PLB1: variants seen among roughly 807,000 people sequenced by gnomAD.
PLB1 encodes the protein phospholipase B1.
PLB1 carries 242 observed loss-of-function variants against 227.4 expected under a neutral mutation model. The observed-to-expected ratio is 1.06, with a 90% CI of 0.96 to 1.18. PLB1 has a LOEUF of 1.18. Among genes scored for constraint, PLB1 ranks in the 50% most tolerant of loss-of-function variants. PLB1 has a pLI of 0.00. For synonymous variants in PLB1, 757 were observed against 682.2 expected (o/e 1.11, Z -1.71); for missense variants, 1,858 against 1,816.3 (o/e 1.02, Z -0.42).
At chr2:28,572,680 T>G (rs1678212596) in intron 20 of PLB1, among the ~76,000 whole-genome samples, 1 of 152,206 alleles carries the variant, frequency 6.6e-6, no homozygotes, top group African/African-American at 2.4e-5. Flanking sequence ...GTGATTTCAT[T>G]CATATGAAAT....
intron 14 of PLB1, among the ~76,000 whole-genome samples, chr2:28,545,983 C>G (rs1182304296): frequency 6.6e-6 from 1 of 152,178 alleles, no homozygotes; most frequent in Non-Finnish European, 1.5e-5. Context: ...CATACCCAGA[C>G]CACGTCAGCA....
At chr2:28,627,548 G>A (rs1236365657) in intron 51 of PLB1, among the ~76,000 whole-genome samples, 1 of 152,142 alleles carries the variant, frequency 6.6e-6, no homozygotes, top group African/African-American at 2.4e-5. Context: ...AGAAACTCTG[G>A]GAGACACGAG....
chr2:28,541,620 G>C (rs1672494307), intron 12 of PLB1, 87 bp from the exon 13 acceptor site: 2 of 954,272 alleles, frequency 2.1e-6, no homozygotes, highest in African/African-American at 1.6e-5. Flanking sequence ...CCTGTCCCAG[G>C]GCTGCCGAGA....
chr2:28,548,615 T>C, intron 14 of PLB1: 1 of 588,360 alleles, frequency 1.7e-6, no homozygotes, highest in Middle Eastern at 2.8e-4. Context: ...CCGATGCTGC[T>C]TCTCATGCTG....
chr2:28,630,701 G>T (rs769361485), intron 54 of PLB1, 37 bp downstream of exon 54: 1 of 1,568,442 alleles, frequency 6.4e-7, no homozygotes, highest in Non-Finnish European at 8.7e-7. Context: ...GACCCAGCTG[G>T]GGGGCCCCCT....
rs73924328 is a variant in PLB1, at chr2:28,635,108, G to T, written c.4098+2069G>T. Among the ~76,000 whole-genome samples, 873 of 152,224 alleles carry T rather than the reference G, an allele frequency of 5.7e-3. 13 individuals carry two copies. The highest frequency in any genetic ancestry group is 0.02 in the African/African-American group (839 of 41,518). On this transcript the variant is annotated intron_variant, in intron 56 of 57. Coordinates refer to ENST00000327757, the MANE Select transcript of PLB1 (RefSeq NM_153021.5). ...AAACAAGACTGTCCATGGTTCCCCA[G>T]CCATTATTATCTCAGCCATACCCCG...
chr2:28,592,501 C>T lies in PLB1; in HGVS notation c.2189-160C>T, dbSNP rs542307010. Among the ~76,000 whole-genome samples the T allele has an allele frequency of 2.0e-5, 3 of 152,288 alleles. No individual in the cohort carries two copies. The South Asian group carries it at 6.2e-4, about 32-fold the overall frequency. ...TAGTTGTGTCTTACGGGAAAACTGT[C>T]CTCATATAACTTTGCCTCCATGGCA... On this transcript the variant is annotated intron_variant, in intron 31 of 57. Coordinates refer to ENST00000327757, the MANE Select transcript of PLB1 (RefSeq NM_153021.5).
intron 53 of PLB1, 79 bp from the exon 54 acceptor site, chr2:28,630,507 G>A (rs1161173811): frequency 5.4e-6 from 7 of 1,299,130 alleles, no homozygotes; most frequent in Non-Finnish European, 7.7e-6. Context: ...GGCCTGCTCT[G>A]TGTGTCAGAG....
At chr2:28,565,234 C>A in intron 18 of PLB1, 46 bp from the exon 19 acceptor site, 1 of 1,537,522 alleles carries the variant, frequency 6.5e-7, no homozygotes, top group Non-Finnish European at 8.9e-7. Context: ...AGAGGTGGGC[C>A]ACTGGGGAAA....
intron 44 of PLB1, among the ~76,000 whole-genome samples, 165 bp from the exon 45 acceptor site, chr2:28,617,562 C>A (rs1349759145): frequency 1.3e-5 from 2 of 152,160 alleles, no homozygotes; most frequent in Non-Finnish European, 2.9e-5. Context: ...CTTTAATTTC[C>A]CTCCTAGCCC....
Position 28,563,216 on chromosome 2 carries a change from C to T in PLB1, c.1206+117C>T, listed in dbSNP as rs1240347394. On this transcript the variant is annotated intron_variant, in intron 18 of 57. Coordinates refer to ENST00000327757, the MANE Select transcript of PLB1 (RefSeq NM_153021.5). ...GCCTGGCTCTTAGATGCTACCATCT[C>T]GGGTCCTGATCTCCATCTCTCCATT... 6 of 1,012,728 alleles carry T rather than the reference C, an allele frequency of 5.9e-6. No homozygotes were observed. In the East Asian group the frequency reaches 1.0e-4, roughly 17 times the overall value. The allele number at this position is 1,012,728 out of a possible 1,614,324, so 62.7% of individuals were successfully genotyped here. A position where few individuals can be genotyped will look rare whatever the true frequency, so the allele number is the denominator to read the frequency against.
intron 1 of PLB1, among the ~76,000 whole-genome samples, chr2:28,513,932 T>G (rs1161759034): frequency 6.6e-6 from 1 of 152,224 alleles, no homozygotes; most frequent in Non-Finnish European, 1.5e-5. Context: ...ATGCCATCTA[T>G]TTCCCTGGAT....
At chr2:28,611,789 C>A (rs1685493957) in intron 43 of PLB1, among the ~76,000 whole-genome samples, 1 of 152,126 alleles carries the variant, frequency 6.6e-6, no homozygotes. Flanking sequence ...CTGTCTTATG[C>A]TGTTGTAGAG....
At chr2:28,521,646 G>C (rs983935286) in intron 4 of PLB1, among the ~76,000 whole-genome samples, 1 of 152,144 alleles carries the variant, frequency 6.6e-6, no homozygotes, top group Middle Eastern at 3.2e-3. Flanking sequence ...AAAGACAAAA[G>C]GAGAAAGGGA....
chr2:28,553,127 T>A, intron 17 of PLB1, 136 bp downstream of exon 17: 1 of 719,890 alleles, frequency 1.4e-6, no homozygotes, highest in Admixed American at 2.4e-5. Context: ...TGTATATTTG[T>A]AAAGCCATGG....
chr2:28,557,241 A>C (rs966414217), intron 17 of PLB1, among the ~76,000 whole-genome samples: 1 of 152,208 alleles, frequency 6.6e-6, no homozygotes, highest in Non-Finnish European at 1.5e-5. Context: ...TCCCTGTCAC[A>C]GAGTCACTTA....
At chr2:28,559,023 C>G (rs188179731) in intron 17 of PLB1, among the ~76,000 whole-genome samples, 409 of 152,178 alleles carry the variant, frequency 2.7e-3, no homozygotes, top group African/African-American at 9.3e-3. Context: ...TCACACGCAG[C>G]CAAATATTTA....
At chr2:28,559,900 C>A (rs1675780509) in intron 17 of PLB1, among the ~76,000 whole-genome samples, 2 of 151,946 alleles carry the variant, frequency 1.3e-5, no homozygotes, top group African/African-American at 4.8e-5. Flanking sequence ...TATAAGAGCA[C>A]ACCTCCATGC....
chr2:28,566,533 C>T, intron 19 of PLB1: 1 of 474,256 alleles, frequency 2.1e-6, no homozygotes, highest in Non-Finnish European at 3.8e-6. Flanking sequence ...TGCAAGGAAC[C>T]AACCTACCTC....
Sources: allele counts gnomAD v4.1 joint callset (sites outside exome capture counted in the v4.1 genomes callset), GRCh38; gene constraint gnomAD v4.1.1; transcripts MANE v1.5; gene names NCBI Gene and HGNC (gene_info 2026-07-23, HGNC 2026-07-21).